KIAA1217: variants seen among roughly 807,000 people sequenced by gnomAD.
KIAA1217 encodes the protein KIAA1217.
In KIAA1217, 88 loss-of-function variants were observed where a neutral mutation model predicts 163.9. That is an observed-to-expected ratio of 0.54 (90% CI 0.45 to 0.64). The LOEUF (loss-of-function observed/expected upper bound fraction) is 0.64, where lower values mean the gene tolerates loss of function less well. Among genes scored for constraint, KIAA1217 ranks in the 30% least tolerant of loss-of-function variants. KIAA1217 has a pLI of 0.00. For missense variants in KIAA1217, 2,372 were observed against 2,475.0 expected (o/e 0.96, Z 0.88); for synonymous variants, 903 against 923.1 (o/e 0.98, Z 0.39).
At chr10:23,766,573 T>C (rs1403523769) in intron 1 of KIAA1217, among the ~76,000 whole-genome samples, 5 of 151,226 alleles carry the variant, frequency 3.3e-5, no homozygotes, top group Non-Finnish European at 4.4e-5. Flanking sequence ...CTTTTCTTTT[T>C]TTTTTCTTTC....
chr10:24,089,530 T>C lies in KIAA1217; in HGVS notation c.-171+82156T>C, dbSNP rs1455862124. On this transcript the variant is annotated intron_variant, in intron 2 of 18. Coordinates refer to the KIAA1217 transcript ENST00000376462. ...TCTACATGTGGCTAGCCAGTTTTCC[T>C]GGCACCATTTATTAAATAGGGAATC... 2.0e-5 allele frequency among the ~76,000 whole-genome samples: 3 copies of C among 149,100 alleles called. 1 individual carries two copies. Among genetic ancestry groups the C allele is most frequent in the Non-Finnish European group, 3.0e-5 (2 of 66,666 alleles).
intron 2 of KIAA1217, among the ~76,000 whole-genome samples, chr10:24,128,927 A>G (rs971690252): frequency 1.7e-4 from 26 of 152,226 alleles, no homozygotes; most frequent in Non-Finnish European, 2.6e-4. Flanking sequence ...GGCCCTGTTA[A>G]AGGCTGCATA....
chr10:24,365,723 C>A (rs375667663), intron 2 of KIAA1217, among the ~76,000 whole-genome samples: 36 of 151,920 alleles, frequency 2.4e-4, no homozygotes, highest in East Asian at 1.7e-3. Flanking sequence ...TTTTTTTAAC[C>A]CCTATGTGCA....
chr10:23,822,505 T>C (rs78964561), intron 1 of KIAA1217, among the ~76,000 whole-genome samples: 4,578 of 152,284 alleles, frequency 0.03, 222 homozygotes, highest in African/African-American at 0.1. Flanking sequence ...TCTTTATTAT[T>C]GTTGCTGATG....
chr10:24,473,722 A>T lies in KIAA1217; in HGVS notation c.1341A>T (p.Glu447Asp). The T allele has an allele frequency of 6.2e-7, 1 of 1,614,084 alleles. No homozygotes were observed. Among genetic ancestry groups the T allele is most frequent in the Non-Finnish European group, 8.5e-7 (1 of 1,180,022 alleles). ...CAATGCAAGCGGAAATGCATATGGAACAATCACTGTACAGACAGAAATCAA... is the reference window on the plus strand; with the variant it reads ...CAATGCAAGCGGAAATGCATATGGATCAATCACTGTACAGACAGAAATCAA... ...NPSMQAEMHM[E>D]QSLYRQKSRK... Residue 447 changes from glutamate to aspartate, a missense_variant, in exon 6 of 21, where the codon GAA (glutamate) becomes GAT (aspartate). Glu to Asp is a conservative substitution (Grantham distance 45, BLOSUM62 2). Transcript: ENST00000376454.
chr10:24,105,073 T>TGAC (rs1295344262), intron 2 of KIAA1217, among the ~76,000 whole-genome samples: 12 of 151,992 alleles, frequency 7.9e-5, no homozygotes, highest in Non-Finnish European at 1.8e-4. Context: ...ATGATGATGA[T>TGAC]GATGATGATG....
intron 2 of KIAA1217, among the ~76,000 whole-genome samples, chr10:24,142,904 A>T (rs1262874224): frequency 6.6e-6 from 1 of 152,230 alleles, no homozygotes; most frequent in East Asian, 1.9e-4. Context: ...ATTTATTACC[A>T]CTGTCAAAGA....
chr10:24,319,962 T>TA (rs1468672990), intron 2 of KIAA1217, among the ~76,000 whole-genome samples: 3 of 152,212 alleles, frequency 2.0e-5, no homozygotes, highest in Admixed American at 6.5e-5. Context: ...GCATGAATGA[T>TA]ACAATACTGT....
At position 24,280,576 on chromosome 10, in the gene KIAA1217, C is replaced by T. The variant is rs554493379; in HGVS notation, c.354+60667C>T. Reference sequence around the variant, plus strand: ...CCTGTAATCCCAGCACTTTGGGAGGCGGAGGCGGGTGGATTGCGAGGTCAG... The same window carrying T: ...CCTGTAATCCCAGCACTTTGGGAGGTGGAGGCGGGTGGATTGCGAGGTCAG... On this transcript the variant is annotated intron_variant, in intron 2 of 20. Coordinates refer to ENST00000376454, the MANE Select transcript of KIAA1217 (RefSeq NM_019590.5). 1.5e-4 allele frequency among the ~76,000 whole-genome samples: 23 copies of T among 152,142 alleles called. No homozygotes were observed. The South Asian group carries it at 2.1e-3, about 14-fold the overall frequency.
Position 24,171,537 on chromosome 10 carries a change from G to C in KIAA1217, c.-170-48089G>C, listed in dbSNP as rs11013930. Among the ~76,000 whole-genome samples, 523 of 152,316 alleles carry C rather than the reference G, an allele frequency of 3.4e-3. 3 individuals carry two copies. Among genetic ancestry groups the C allele is most frequent in the African/African-American group, 0.012 (498 of 41,586 alleles). On this transcript the variant is annotated intron_variant, in intron 2 of 18. Coordinates refer to the KIAA1217 transcript ENST00000376462. Reference sequence around the variant, plus strand: ...TAATGATGATCGGCTGGGCACGGTGGCTCACGCCTGTAATCCCAGCACTTT... The same window carrying C: ...TAATGATGATCGGCTGGGCACGGTGCCTCACGCCTGTAATCCCAGCACTTT...
At chr10:24,360,683 T>A (rs1392157647) in intron 2 of KIAA1217, among the ~76,000 whole-genome samples, 1 of 152,156 alleles carries the variant, frequency 6.6e-6, no homozygotes, top group Non-Finnish European at 1.5e-5. Flanking sequence ...CTGGAGACTG[T>A]ATCATACTCG....
At chr10:24,485,003 G>A (rs2065202642) in intron 6 of KIAA1217, among the ~76,000 whole-genome samples, 2 of 151,964 alleles carry the variant, frequency 1.3e-5, no homozygotes, top group Non-Finnish European at 2.9e-5. Flanking sequence ...GCAGAGCACT[G>A]CTAGAACCTG....
intron 5 of KIAA1217, chr10:24,449,340 T>G: frequency 2.2e-6 from 1 of 453,022 alleles, no homozygotes; most frequent in Non-Finnish European, 2.9e-6. Context: ...TTTTTTATTT[T>G]TTGTCATTGA....
intron 2 of KIAA1217, among the ~76,000 whole-genome samples, chr10:24,144,877 C>A (rs563389563): frequency 6.6e-6 from 1 of 152,304 alleles, no homozygotes; most frequent in East Asian, 1.9e-4. Flanking sequence ...TTTCTCCCTC[C>A]CCTCACATTC....
At chr10:24,225,770 G>T (rs2070435031) in intron 2 of KIAA1217, among the ~76,000 whole-genome samples, 1 of 152,182 alleles carries the variant, frequency 6.6e-6, no homozygotes, top group Admixed American at 6.5e-5. Context: ...ATCTAATCAG[G>T]TTGCATTACA....
intron 2 of KIAA1217, among the ~76,000 whole-genome samples, chr10:24,168,147 T>C (rs1276423986): frequency 2.0e-5 from 3 of 152,166 alleles, no homozygotes; most frequent in African/African-American, 7.2e-5. Flanking sequence ...ATCCTGGGGA[T>C]TGCTAGGGGT....
chr10:23,856,043 G>A (rs1030651109), intron 1 of KIAA1217, among the ~76,000 whole-genome samples: 4 of 152,186 alleles, frequency 2.6e-5, no homozygotes, highest in Admixed American at 1.3e-4. Context: ...GCTTTGTTCT[G>A]TTGCTGGTAA....
At chr10:24,368,945 A>G in intron 2 of KIAA1217, 1 of 789,010 alleles carries the variant, frequency 1.3e-6, no homozygotes, top group Non-Finnish European at 1.5e-6. Flanking sequence ...AGATATTCTG[A>G]TTATTTTATA....
intron 1 of KIAA1217, among the ~76,000 whole-genome samples, chr10:23,827,313 A>G (rs767723882): frequency 5.3e-5 from 8 of 152,100 alleles, no homozygotes; most frequent in Admixed American, 1.3e-4. Flanking sequence ...AGCCTGAAAA[A>G]CTTTCACTGG....
Sources: allele counts gnomAD v4.1 joint callset (sites outside exome capture counted in the v4.1 genomes callset), GRCh38; gene constraint gnomAD v4.1.1; transcripts MANE v1.5; gene names NCBI Gene and HGNC (gene_info 2026-07-23, HGNC 2026-07-21).